The following KIF20B variants were observed in gnomAD, a reference collection of about 807,000 sequenced individuals.
KIF20B encodes kinesin-like protein KIF20B.
A neutral mutation model predicts 232.5 loss-of-function variants in KIF20B; 188 were observed. That is an observed-to-expected ratio of 0.81 (90% CI 0.72 to 0.91). KIF20B has a LOEUF of 0.91. KIF20B is among the 40% of genes least tolerant of loss of function. The pLI is 0.00. For missense variants in KIF20B, 2,154 were observed against 2,055.9 expected (o/e 1.05, Z -0.92); for synonymous variants, 712 against 683.0 (o/e 1.04, Z -0.66).
Position 89,725,087 on chromosome 10 carries a change from G to T in KIF20B, c.1930G>T (p.Asp644Tyr), listed in dbSNP as rs1206034890. ...NAERRLAIFK[D>Y]LVGKCDTREE... is the part of the protein sequence containing the mutation. ...TGAACGTCGTTTGGCTATCTTCAAG[G>T]ATTTGGTTGGTAAATGTGACACTCG... Residue 644 changes from aspartate to tyrosine, a missense_variant, in exon 15 of 33, where the codon GAT becomes TAT. Physicochemically the swap from Asp to Tyr is radical, Grantham distance 160. Transcript: ENST00000371728. 8.1e-6 allele frequency: 13 copies of T among 1,613,950 alleles called. No homozygotes were observed. The highest frequency in any genetic ancestry group is 1.0e-5 in the Non-Finnish European group (12 of 1,179,910).
rs138467615 is a variant in KIF20B, at chr10:89,768,322, T to C, written c.5022T>C (p.Ala1674=). Residue 1674 remains alanine (A), a synonymous_variant, in exon 30 of 33, where the codon GCT becomes GCC. Transcript: ENST00000371728. The part of the protein sequence containing the change: ...DLVKCENKKN[A]TPRTNLKFPI... The stretch of plus-strand genomic sequence containing the variant: ...TGAAATGTGAAAATAAGAAGAATGC[T>C]ACACCCAGAACTAATTTGAAATTTC... 584 of 1,588,840 alleles carry C rather than the reference T, an allele frequency of 3.7e-4. No homozygotes were observed. Among genetic ancestry groups the C allele is most frequent in the Non-Finnish European group, 4.7e-4 (553 of 1,165,368 alleles).
chr10:89,771,077 T>G (rs1842452242), intron 31 of KIF20B, among the ~76,000 whole-genome samples: 1 of 152,004 alleles, frequency 6.6e-6, no homozygotes, highest in African/African-American at 2.4e-5. Context: ...TCCTGTGCTT[T>G]CTTTTATCTG....
At position 89,717,556 on chromosome 10, in the gene KIF20B, CTT is replaced by C. The variant is rs551267859; in HGVS notation, c.1125-12_1125-11del. The C allele has an allele frequency of 6.3e-7, 1 of 1,583,894 alleles. No homozygotes were observed. Among genetic ancestry groups the C allele is most frequent in the African/African-American group, 1.4e-5 (1 of 73,540 alleles). ...ATTGTTTTGAAGAACTTTTAAAGTA[CTT>C]TTTTTTTCTTAATTCAGATTATCTT... On this transcript the variant is annotated intron_variant, in intron 10 of 32. Coordinates refer to ENST00000371728, the MANE Select transcript of KIF20B (RefSeq NM_001284259.2).
chr10:89,758,882 A>G lies in KIF20B; in HGVS notation c.4680A>G (p.Ile1560Met). The G allele has an allele frequency of 6.6e-7, 1 of 1,504,318 alleles. No individual in the cohort carries two copies. Among genetic ancestry groups the G allele is most frequent in the Admixed American group, 2.2e-5 (1 of 45,720 alleles). The allele number at this position is 1,504,318 out of a possible 1,614,324, so 93.2% of individuals were successfully genotyped here. ...LKRIISETSKIETQIMDIKPK... is the reference protein window; with the variant it reads ...LKRIISETSKMETQIMDIKPK... ...GGATCATATCAGAGACTTCTAAAAT[A>G]GTCAGTAGTCTTTTTTGCTATGCCT... The change falls in exon 27 of 33, where the codon ATA (isoleucine) becomes ATG (methionine). Residue 1560 changes from isoleucine (I) to methionine (M), a missense_variant and splice_region_variant. Physicochemically the swap from Ile to Met is conservative, Grantham distance 10 (BLOSUM62 1). Coordinates refer to ENST00000371728, the MANE Select transcript of KIF20B (RefSeq NM_001284259.2).
In KIF20B at chr10:89,772,819, A is replaced by G. The variant is rs752701199; in HGVS notation, c.5373A>G (p.Ile1791Met). 3 of 1,607,628 alleles carry G rather than the reference A, an allele frequency of 1.9e-6. No individual in the cohort carries two copies. The highest frequency in any genetic ancestry group is 2.7e-5 in the African/African-American group (2 of 74,570). ...YTSEISSPIDISGQVILMDQK... is the reference protein window; with the variant it reads ...YTSEISSPIDMSGQVILMDQK... ...GTGAAATTTCATCTCCTATTGATAT[A>G]TCAGGCCAAGTGGTAAGCTAGTATT... Residue 1791 changes from isoleucine (I) to methionine (M), a missense_variant, in exon 32 of 33, where the codon ATA (isoleucine) becomes ATG (methionine). Transcript: ENST00000371728.
rs1189020093 is a variant in KIF20B at position 89,738,261 on chromosome 10, G to A, written c.3420G>A (p.Gln1140=). The A allele has an allele frequency of 1.2e-6, 2 of 1,610,190 alleles. No individual in the cohort carries two copies. The highest frequency in any genetic ancestry group is 2.2e-5 in the East Asian group (1 of 44,800). The change falls in exon 20 of 33, where the codon CAG becomes CAA. Residue 1140 remains glutamine (Q), a synonymous_variant. Coordinates refer to ENST00000371728, the MANE Select transcript of KIF20B (RefSeq NM_001284259.2). ...EKNVTLDVQI[Q]HVVEGKRALS... is the part of the protein sequence containing the mutation. ...ATGTTACTCTTGATGTTCAAATACAGCATGTAGTTGAAGGAAAGAGAGCGC... is the reference window on the plus strand; with the variant it reads ...ATGTTACTCTTGATGTTCAAATACAACATGTAGTTGAAGGAAAGAGAGCGC...
intron 19 of KIF20B, among the ~76,000 whole-genome samples, 169 bp from the exon 20 acceptor site, chr10:89,737,218 A>T (rs1841676418): frequency 6.6e-6 from 1 of 151,270 alleles, no homozygotes; most frequent in South Asian, 2.1e-4. Flanking sequence ...CTCATACCAC[A>T]TGTTTTAAAA....
chr10:89,740,514 G>T (rs1248802925), intron 21 of KIF20B, among the ~76,000 whole-genome samples: 3 of 152,104 alleles, frequency 2.0e-5, no homozygotes, highest in Non-Finnish European at 2.9e-5. Flanking sequence ...ACAGAGTTTG[G>T]TGGGTGGGAC....
chr10:89,719,349 A>T, intron 12 of KIF20B, 70 bp from the exon 13 acceptor site: 1 of 1,129,122 alleles, frequency 8.9e-7, no homozygotes, highest in Non-Finnish European at 1.2e-6. Flanking sequence ...TTAAATTTAT[A>T]AAATAATCAT....
At chr10:89,758,923 G>A (rs1260325908) in intron 27 of KIF20B, 41 bp downstream of exon 27, 1 of 1,235,804 alleles carries the variant, frequency 8.1e-7, no homozygotes, top group African/African-American at 1.6e-5. Context: ...ATTGAACATA[G>A]TAATTACTTA....
rs60749697 is a variant in KIF20B, at chr10:89,739,676, T to TTTA, written c.3915+580_3915+581insTTA. Among the ~76,000 whole-genome samples the TTTA allele has an allele frequency of 5.1e-3, 767 of 150,676 alleles. 3 individuals are homozygous for TTTA. The highest frequency in any genetic ancestry group is 6.5e-3 in the Non-Finnish European group (443 of 67,718). On this transcript the variant is annotated intron_variant, in intron 21 of 32. Transcript: ENST00000371728. Reference sequence around the variant, plus strand: ...ATTGGAGCACTTTTTTTTTTTTTTTTAAACTTTGAGGTAGTTACCAAATAA... The same window carrying TTTA: ...ATTGGAGCACTTTTTTTTTTTTTTTTTTAAAACTTTGAGGTAGTTACCAAATAA...
At chr10:89,771,008 A>G (rs1842451381) in intron 31 of KIF20B, among the ~76,000 whole-genome samples, 1 of 152,034 alleles carries the variant, frequency 6.6e-6, no homozygotes, top group African/African-American at 2.4e-5. Context: ...AACTTCTGAC[A>G]GTTCCTAGAA....
At chr10:89,771,480 A>G (rs1229601791) in intron 31 of KIF20B, among the ~76,000 whole-genome samples, 2 of 151,910 alleles carry the variant, frequency 1.3e-5, no homozygotes, top group Non-Finnish European at 2.9e-5. Context: ...CCCTTCCTAC[A>G]CCAGACTTGA....
At chr10:89,751,212 GAC>G (rs1474945789) in intron 23 of KIF20B, 132 bp from the exon 24 acceptor site, 2 of 653,858 alleles carry the variant, frequency 3.1e-6, no homozygotes, top group Admixed American at 6.4e-5. Flanking sequence ...CGATGAATAA[GAC>G]AAAGTTTCTG....
chr10:89,709,314 A>T, intron 3 of KIF20B, 31 bp from the exon 4 acceptor site: 1 of 1,589,406 alleles, frequency 6.3e-7, no homozygotes, highest in Non-Finnish European at 8.6e-7. Context: ...GCAAAATACT[A>T]GTTTTTATTT....
intron 2 of KIF20B, among the ~76,000 whole-genome samples, chr10:89,708,558 G>A (rs1842774503): frequency 7.4e-6 from 1 of 135,840 alleles, no homozygotes; most frequent in African/African-American, 3.1e-5. Context: ...AAACTACTAG[G>A]GCCTGAATTT....
intron 29 of KIF20B, among the ~76,000 whole-genome samples, chr10:89,765,111 A>G (rs1281028932): frequency 2.0e-5 from 3 of 151,900 alleles, no homozygotes; most frequent in Admixed American, 2.0e-4. Flanking sequence ...AGCTTTCTAC[A>G]TATGGCTAGC....
intron 31 of KIF20B, among the ~76,000 whole-genome samples, chr10:89,769,503 C>T (rs1318575448): frequency 6.6e-6 from 1 of 151,856 alleles, no homozygotes; most frequent in Non-Finnish European, 1.5e-5. Flanking sequence ...TATATATCCT[C>T]CTAGTGTTTT....
At chr10:89,767,329 C>G (rs1842382285) in intron 29 of KIF20B, among the ~76,000 whole-genome samples, 1 of 151,628 alleles carries the variant, frequency 6.6e-6, no homozygotes, top group East Asian at 1.9e-4. Flanking sequence ...TATCCCTCCC[C>G]TAGCCCCCCA....
Sources: allele counts gnomAD v4.1 joint callset (sites outside exome capture counted in the v4.1 genomes callset), GRCh38; gene constraint gnomAD v4.1.1; transcripts MANE v1.5; gene names NCBI Gene and HGNC (gene_info 2026-07-23, HGNC 2026-07-21).